Variants in PIWIL1 observed in about 807,000 individuals in gnomAD.
The protein encoded by PIWIL1 is piwi like RNA-mediated gene silencing 1, also known as piwi-like protein 1.
PIWIL1 carries 73 observed loss-of-function variants against 114.4 expected under a neutral mutation model. The ratio of observed to expected loss-of-function variants is 0.64; its 90% confidence interval spans 0.53 to 0.78. The LOEUF (loss-of-function observed/expected upper bound fraction) is 0.78, where lower values mean the gene tolerates loss of function less well. PIWIL1 is among the 30% of genes least tolerant of loss of function. The pLI is 0.00. For synonymous variants in PIWIL1, 375 were observed against 369.0 expected (o/e 1.02, Z -0.19); for missense variants, 723 against 1,063.1 (o/e 0.68, Z 4.45).
chr12:130,356,904 G>A lies in PIWIL1; in HGVS notation c.1405-14G>A. On this transcript the variant is annotated splice_polypyrimidine_tract_variant and intron_variant, in intron 12 of 20. Coordinates refer to ENST00000245255, the MANE Select transcript of PIWIL1 (RefSeq NM_004764.5). ...TTACAATGGAATTTACAGTGTGTCT[G>A]AACTCTCTTCTAGTTTGATTACAAT... 1.3e-6 allele frequency: 2 copies of A among 1,582,688 alleles called. No homozygotes were observed. The highest frequency in any genetic ancestry group is 1.7e-6 in the Non-Finnish European group (2 of 1,159,058).
At chr12:130,412,143 G>A in the PIWIL1 span, among the ~76,000 whole-genome samples, 1 of 152,104 alleles carries the variant, frequency 6.6e-6, no homozygotes, top group African/African-American at 2.4e-5. Flanking sequence ...TTGCAGACTG[G>A]CTTAAGATAA....
At chr12:130,418,244 T>A in the PIWIL1 span, among the ~76,000 whole-genome samples, 1 of 152,254 alleles carries the variant, frequency 6.6e-6, no homozygotes, top group African/African-American at 2.4e-5. Flanking sequence ...TGTCAGTAAT[T>A]TCTGCCAGGG....
chr12:130,369,072 A>C (rs1033078757), intron 19 of PIWIL1, among the ~76,000 whole-genome samples: 3 of 151,902 alleles, frequency 2.0e-5, no homozygotes, highest in South Asian at 2.1e-4. Flanking sequence ...AACAGGCCCC[A>C]GTGTGTGTGT....
At chr12:130,363,233 G>A in intron 18 of PIWIL1, 89 bp downstream of exon 18, 1 of 1,334,558 alleles carries the variant, frequency 7.5e-7, no homozygotes, top group Non-Finnish European at 1.1e-6. Context: ...AAGGATGAGG[G>A]AGAACCTAAC....
chr12:130,365,605 AT>A (rs1490945029), intron 18 of PIWIL1, among the ~76,000 whole-genome samples: 2 of 152,206 alleles, frequency 1.3e-5, no homozygotes, highest in African/African-American at 4.8e-5. Context: ...AGGGCAGCTG[AT>A]TTAGACTGTT....
chr12:130,424,251 G>A, the PIWIL1 span: 1 of 1,231,926 alleles, frequency 8.1e-7, no homozygotes, highest in Non-Finnish European at 1.0e-6. The surrounding 1 kb of genome is among the most constrained non-coding windows in gnomAD (Gnocchi z 9.8). Context: ...TTGGTGCTCG[G>A]TGGGCTCGCC....
chr12:130,410,272 T>C, the PIWIL1 span, among the ~76,000 whole-genome samples: 1 of 152,264 alleles, frequency 6.6e-6, no homozygotes, highest in Admixed American at 6.5e-5. Context: ...TTGTGTATTC[T>C]GAATGCAAAT....
At chr12:130,425,082 G>A in the PIWIL1 span, 183 of 385,962 alleles carry the variant, frequency 4.7e-4, 1 homozygote, top group African/African-American at 2.7e-3. Flanking sequence ...CAGAGCACAC[G>A]CAGAGCCAGC....
chr12:130,374,365 G>A (rs1209314099), downstream of PIWIL1, among the ~76,000 whole-genome samples: 3 of 152,140 alleles, frequency 2.0e-5, no homozygotes, highest in African/African-American at 7.2e-5. Flanking sequence ...TGTGTAATTG[G>A]TATTGTCATT....
chr12:130,338,609 C>T (rs28706439), intron 1 of PIWIL1, among the ~76,000 whole-genome samples: 15 of 9,288 alleles, frequency 1.6e-3, no homozygotes, highest in Admixed American at 3.8e-3. Context: ...GTCCCAGGTG[C>T]GGGGGATGCA....
chr12:130,393,292 A>G, the PIWIL1 span, among the ~76,000 whole-genome samples: 1 of 149,306 alleles, frequency 6.7e-6, no homozygotes, highest in East Asian at 2.0e-4. Context: ...TGTGTGCGTC[A>G]GTTACCTGGT....
intron 19 of PIWIL1, among the ~76,000 whole-genome samples, chr12:130,367,739 G>T (rs1056998325): frequency 6.6e-6 from 1 of 152,196 alleles, no homozygotes; most frequent in African/African-American, 2.4e-5. Flanking sequence ...CTTACAGCGG[G>T]CACCGGCAGG....
chr12:130,418,310 T>A, the PIWIL1 span, among the ~76,000 whole-genome samples: 1 of 152,328 alleles, frequency 6.6e-6, no homozygotes. Context: ...TATGATTTTG[T>A]TGATAGTCCA....
At chr12:130,382,199 G>C in the PIWIL1 span, among the ~76,000 whole-genome samples, 1 of 152,240 alleles carries the variant, frequency 6.6e-6, no homozygotes, top group African/African-American at 2.4e-5. Flanking sequence ...AAATTTGTTA[G>C]CAGGGGCCAC....
At chr12:130,399,591 A>G in the PIWIL1 span, 1 of 1,473,408 alleles carries the variant, frequency 6.8e-7, no homozygotes, top group African/African-American at 1.4e-5. Flanking sequence ...TTTCGGCCCA[A>G]GATATAAAAA....
chr12:130,402,185 G>A, the PIWIL1 span, among the ~76,000 whole-genome samples: 1 of 152,162 alleles, frequency 6.6e-6, no homozygotes, highest in East Asian at 1.9e-4. Flanking sequence ...CTTGCTCGCG[G>A]TGTGAATACT....
the PIWIL1 span, among the ~76,000 whole-genome samples, chr12:130,378,977 A>G: frequency 2.0e-5 from 3 of 152,178 alleles, no homozygotes; most frequent in Non-Finnish European, 4.4e-5. Flanking sequence ...GATGGGGGAG[A>G]ACCATCTGGT....
chr12:130,348,530 T>C (rs759682359), intron 7 of PIWIL1, among the ~76,000 whole-genome samples: 5 of 152,168 alleles, frequency 3.3e-5, no homozygotes, highest in African/African-American at 4.8e-5. Context: ...ATGGGACCAC[T>C]CATCCCCCAG....
At chr12:130,417,544 G>A in the PIWIL1 span, among the ~76,000 whole-genome samples, 1 of 152,198 alleles carries the variant, frequency 6.6e-6, no homozygotes. Context: ...TAGACACGAA[G>A]ATGGGAACAA....
Sources: gnomAD v4.1 joint callset for allele counts (sites outside exome capture counted in the v4.1 genomes callset) on GRCh38, gnomAD v4.1.1 for gene constraint, Gnocchi (gnomAD v3.1) non-coding constraint, MANE v1.5 for transcripts, NCBI Gene and HGNC (gene_info 2026-07-23, HGNC 2026-07-21) for gene names.